SLC25A17: variants seen among roughly 807,000 people sequenced by gnomAD.
SLC25A17 encodes the protein solute carrier family 25 member 17, also known as peroxisomal membrane protein PMP34.
Under a neutral mutation model 38.5 loss-of-function variants are expected in SLC25A17, and 26 were observed. That is an observed-to-expected ratio of 0.68 (90% confidence interval 0.50 to 0.94). The LOEUF is 0.94. Among genes scored for constraint, SLC25A17 ranks in the 40% least tolerant of loss-of-function variants. The pLI is 0.00. For missense variants in SLC25A17, 333 were observed against 372.7 expected (o/e 0.89, Z 0.88); for synonymous variants, 139 against 136.2 (o/e 1.02, Z -0.14).
At chr22:40,805,712 G>A (rs1372982864) in intron 1 of SLC25A17, among the ~76,000 whole-genome samples, 1 of 151,594 alleles carries the variant, frequency 6.6e-6, no homozygotes, top group African/African-American at 2.4e-5. Flanking sequence ...GGCTGGACAC[G>A]GCTGCAGGCC....
intron 1 of SLC25A17, among the ~76,000 whole-genome samples, chr22:40,812,584 G>A (rs1164983126): frequency 6.6e-6 from 1 of 152,184 alleles, no homozygotes; most frequent in African/African-American, 2.4e-5. Context: ...AACTAGTGGT[G>A]GGGGTAAAAA....
chr22:40,792,076 C>T (rs2057389649), intron 4 of SLC25A17, among the ~76,000 whole-genome samples: 1 of 152,120 alleles, frequency 6.6e-6, no homozygotes, highest in South Asian at 2.1e-4. Flanking sequence ...AGTCATGTCA[C>T]ATGCTGTATG....
At chr22:40,782,233 C>CAAT (rs1037730033) in intron 4 of SLC25A17, among the ~76,000 whole-genome samples, 2 of 151,528 alleles carry the variant, frequency 1.3e-5, no homozygotes, top group African/African-American at 4.8e-5. Context: ...ACAACAACAA[C>CAAT]AACAACAACA....
intron 3 of SLC25A17, among the ~76,000 whole-genome samples, chr22:40,794,181 C>T (rs2057407407): frequency 6.6e-6 from 1 of 152,066 alleles, no homozygotes; most frequent in Non-Finnish European, 1.5e-5. Flanking sequence ...CATAATCTGT[C>T]TTAATGCACC....
intron 7 of SLC25A17, chr22:40,776,434 C>A: frequency 3.2e-6 from 1 of 313,602 alleles, no homozygotes. Flanking sequence ...GGGCACCAAA[C>A]CAATCAACTT....
At chr22:40,780,409 T>C (rs1016559379) in intron 4 of SLC25A17, among the ~76,000 whole-genome samples, 3 of 152,246 alleles carry the variant, frequency 2.0e-5, no homozygotes, top group African/African-American at 7.2e-5. Context: ...AAAAGGCTCA[T>C]ACATTGTCAC....
At chr22:40,817,346 A>G (rs1011189619) in intron 1 of SLC25A17, 1 of 152,358 alleles carries the variant, frequency 6.6e-6, no homozygotes, top group African/African-American at 2.4e-5. Flanking sequence ...TTGCTGGTGC[A>G]ATCTTATTTT....
At chr22:40,773,041 T>C (rs1042114376) in intron 8 of SLC25A17, among the ~76,000 whole-genome samples, 1 of 152,200 alleles carries the variant, frequency 6.6e-6, no homozygotes, top group Non-Finnish European at 1.5e-5. Flanking sequence ...CCCTGACTTA[T>C]CTGACTTCAC....
intron 1 of SLC25A17, among the ~76,000 whole-genome samples, chr22:40,802,123 G>A (rs2057489707): frequency 6.6e-6 from 1 of 152,076 alleles, no homozygotes; most frequent in East Asian, 1.9e-4. Context: ...GTACTGCATA[G>A]ACAGGGCATC....
Position 40,783,693 on chromosome 22 carries a change from T to G in SLC25A17, c.335-4568A>C, listed in dbSNP as rs1038867290. On this transcript the variant is annotated intron_variant, in intron 4 of 8. Coordinates refer to ENST00000435456, the MANE Select transcript of SLC25A17 (RefSeq NM_006358.4). ...TTTAACTTGACTTAACACCATACTA[T>G]CTAAAATGGTACCTCTTTTTTTCTT... Among the ~76,000 whole-genome samples the G allele has an allele frequency of 2.6e-5, 4 of 151,962 alleles. No individual in the cohort carries two copies. In the East Asian group the frequency reaches 7.7e-4, roughly 29 times the overall value.
chr22:40,776,340 T>C, intron 7 of SLC25A17: 2 of 465,092 alleles, frequency 4.3e-6, no homozygotes. Flanking sequence ...AGTTTGAGAG[T>C]GCTTCAAAAA....
chr22:40,818,643 C>A (rs890606023), intron 1 of SLC25A17, among the ~76,000 whole-genome samples: 2 of 148,066 alleles, frequency 1.4e-5, no homozygotes, highest in African/African-American at 5.0e-5. Context: ...GAGATCGAGG[C>A]TGCAGTGAGT....
rs536318513 is a variant in SLC25A17, at chr22:40,799,228, C to T, written c.55-145G>A. On this transcript the variant is annotated intron_variant, in intron 1 of 8. Coordinates refer to ENST00000435456, the MANE Select transcript of SLC25A17 (RefSeq NM_006358.4). ...CTTGAACTCTTGGGCTCAAGTGATCCTCCCACCTCAGCTTCTCAAGTAGTT... is the reference window on the plus strand; with the variant it reads ...CTTGAACTCTTGGGCTCAAGTGATCTTCCCACCTCAGCTTCTCAAGTAGTT... 4.8e-5 allele frequency: 29 copies of T among 602,170 alleles called. No individual in the cohort carries two copies. The East Asian group carries it at 8.1e-4, about 17-fold the overall frequency. The allele number at this position is 602,170 out of a possible 1,614,324, so 37.3% of individuals were successfully genotyped here.
At chr22:40,794,481 G>T in intron 3 of SLC25A17, 33 bp downstream of exon 3, 1 of 1,339,520 alleles carries the variant, frequency 7.5e-7, no homozygotes, top group Non-Finnish European at 1.1e-6. Context: ...CTAACAAGTT[G>T]CTTTAACGAA....
chr22:40,813,538 A>T (rs2057604362), intron 1 of SLC25A17, among the ~76,000 whole-genome samples: 1 of 150,290 alleles, frequency 6.7e-6, no homozygotes, highest in African/African-American at 2.4e-5. Context: ...ACTCTGTATA[A>T]AAAAAAAATA....
At chr22:40,797,873 T>C (rs1421726920) in intron 2 of SLC25A17, among the ~76,000 whole-genome samples, 1 of 152,200 alleles carries the variant, frequency 6.6e-6, no homozygotes, top group Non-Finnish European at 1.5e-5. Context: ...TGGGTTTTTC[T>C]TGCTGTGGCC....
chr22:40,797,446 C>T (rs1488273778), intron 2 of SLC25A17: 4 of 483,992 alleles, frequency 8.3e-6, no homozygotes, highest in African/African-American at 6.0e-5. Context: ...TATGTGGCTC[C>T]AGTATGTTCC....
chr22:40,802,443 G>C lies in SLC25A17; in HGVS notation c.55-3360C>G, dbSNP rs780180300. Among the ~76,000 whole-genome samples the C allele has an allele frequency of 3.9e-5, 6 of 151,906 alleles. No individual in the cohort carries two copies. The East Asian group carries it at 1.2e-3, about 30-fold the overall frequency. ...ATGGGTCACCTGAGGTCAGGAGTTC[G>C]AGACCAGCCTGGCCAACATGGTGAA... On this transcript the variant is annotated intron_variant, in intron 1 of 8. Coordinates refer to ENST00000435456, the MANE Select transcript of SLC25A17 (RefSeq NM_006358.4).
At chr22:40,801,154 TA>T (rs1569410179) in intron 1 of SLC25A17, among the ~76,000 whole-genome samples, 2 of 132,876 alleles carry the variant, frequency 1.5e-5, no homozygotes, top group Non-Finnish European at 3.1e-5. Flanking sequence ...TATATATATA[TA>T]TATATATATA....
Sources: gnomAD v4.1 joint callset for allele counts (sites outside exome capture counted in the v4.1 genomes callset) on GRCh38, gnomAD v4.1.1 for gene constraint, MANE v1.5 for transcripts, NCBI Gene and HGNC (gene_info 2026-07-23, HGNC 2026-07-21) for gene names.